Variants in ATRNL1 observed in about 807,000 individuals in gnomAD.
ATRNL1 encodes the protein attractin-like protein 1.
Under a neutral mutation model 182.7 loss-of-function variants are expected in ATRNL1, and 95 were observed. The observed-to-expected ratio is 0.52, with a 90% CI of 0.44 to 0.62. ATRNL1 has a LOEUF of 0.62. Ranked by LOEUF, ATRNL1 falls within the 20% of genes least tolerant of loss-of-function variation. The probability of loss-of-function intolerance (pLI) is 0.00; values close to 1 mark genes in which losing one functional copy is unlikely to be tolerated. For synonymous variants in ATRNL1, 576 were observed against 568.3 expected, an observed-to-expected ratio of 1.01 and a Z score of -0.19; for missense variants, 1,471 against 1,679.5, an observed-to-expected ratio of 0.88 and a Z score of 2.17.
intron 5 of ATRNL1, among the ~76,000 whole-genome samples, chr10:115,142,832 C>T (rs2143828630): frequency 6.6e-6 from 1 of 151,970 alleles, no homozygotes. Flanking sequence ...TGCTGATGGT[C>T]TAGATGTGGG....
intron 24 of ATRNL1, among the ~76,000 whole-genome samples, chr10:115,511,024 C>A (rs1233618849): frequency 1.3e-5 from 2 of 151,950 alleles, no homozygotes; most frequent in African/African-American, 4.8e-5. Flanking sequence ...TGTTTATAAA[C>A]AATATCCAAG....
intron 26 of ATRNL1, among the ~76,000 whole-genome samples, chr10:115,565,352 TA>T (rs1184916904): frequency 6.6e-6 from 1 of 151,964 alleles, no homozygotes; most frequent in Non-Finnish European, 1.5e-5. Context: ...TGTAAAATAA[TA>T]AAAAAAGGCT....
intron 8 of ATRNL1, among the ~76,000 whole-genome samples, chr10:115,208,123 T>G (rs1848872998): frequency 6.6e-6 from 1 of 152,064 alleles, no homozygotes; most frequent in Non-Finnish European, 1.5e-5. Flanking sequence ...AATGTATTTT[T>G]CATTTGAGGC....
intron 28 of ATRNL1, among the ~76,000 whole-genome samples, chr10:115,869,305 T>G (rs782431570): frequency 3.9e-5 from 6 of 152,218 alleles, no homozygotes; most frequent in Non-Finnish European, 8.8e-5. Flanking sequence ...GGAGCATGAT[T>G]AGCCAGAGCA....
chr10:115,929,489 T>A (rs1026495270), intron 28 of ATRNL1, among the ~76,000 whole-genome samples: 1 of 152,118 alleles, frequency 6.6e-6, no homozygotes, highest in Non-Finnish European at 1.5e-5. Context: ...CCAAAATGTT[T>A]TTGGCTTATC....
Position 115,822,875 on chromosome 10 carries a change from C to T in ATRNL1, c.3904-25002C>T, listed in dbSNP as rs568982083. On this transcript the variant is annotated intron_variant, in intron 27 of 28. Transcript: ENST00000355044. Reference sequence around the variant, plus strand: ...GTACAAAAAGGAGCTGGTACCATTCCTTCTGTAACTATTCCAAACAACAGA... The same window carrying T: ...GTACAAAAAGGAGCTGGTACCATTCTTTCTGTAACTATTCCAAACAACAGA... Among the ~76,000 whole-genome samples, 89 of 152,264 alleles carry T rather than the reference C, an allele frequency of 5.8e-4. 1 individual carries two copies. Among genetic ancestry groups the T allele is most frequent in the African/African-American group, 1.9e-3 (80 of 41,562 alleles).
chr10:115,322,738 A>G (rs551583250), intron 18 of ATRNL1, among the ~76,000 whole-genome samples: 9 of 151,970 alleles, frequency 5.9e-5, no homozygotes, highest in African/African-American at 2.2e-4. Context: ...TATTTCTCCA[A>G]TTTTCTAAAG....
At chr10:115,815,674 G>A (rs1204340837) in intron 27 of ATRNL1, among the ~76,000 whole-genome samples, 2 of 151,902 alleles carry the variant, frequency 1.3e-5, no homozygotes, top group South Asian at 2.1e-4. Flanking sequence ...TTTCTCCTTG[G>A]TCTTTTATCA....
rs537375698 is a variant in ATRNL1, at chr10:115,148,652, G to A, written c.830-11388G>A. Among the ~76,000 whole-genome samples the A allele has an allele frequency of 2.0e-5, 3 of 151,166 alleles. No individual in the cohort carries two copies. The East Asian group carries it at 5.9e-4, about 30-fold the overall frequency. ...CACACAATGAGTGGGTTTAAGAGCA[G>A]AAAGTTTAATAGGCAAAGTAAAGAA... On this transcript the variant is annotated intron_variant, in intron 5 of 28. Coordinates refer to ENST00000355044, the MANE Select transcript of ATRNL1 (RefSeq NM_207303.4).
chr10:115,640,411 A>G lies in ATRNL1; in HGVS notation c.3796-86837A>G, dbSNP rs1219594534. ...CCCACCAACAGTGTAAAAGCATTCC[A>G]GTTTCTCCACATCCTTGCCAGCCTC... On this transcript the variant is annotated intron_variant, in intron 26 of 28. Transcript: ENST00000355044. 2.6e-5 allele frequency among the ~76,000 whole-genome samples: 4 copies of G among 152,128 alleles called. No homozygotes were observed. In the East Asian group the frequency reaches 5.8e-4, roughly 22 times the overall value.
chr10:115,730,798 T>C (rs1555062513), intron 27 of ATRNL1, among the ~76,000 whole-genome samples: 3 of 152,080 alleles, frequency 2.0e-5, no homozygotes, highest in African/African-American at 7.2e-5. Context: ...GTTGTGTATA[T>C]GTATATATTC....
chr10:115,696,023 T>C (rs1028358845), intron 26 of ATRNL1, among the ~76,000 whole-genome samples: 1 of 151,948 alleles, frequency 6.6e-6, no homozygotes, highest in Non-Finnish European at 1.5e-5. Flanking sequence ...CTCAGCCTCC[T>C]GAGTAGCTGG....
chr10:115,095,813 C>A (rs1225825771), intron 1 of ATRNL1, among the ~76,000 whole-genome samples: 1 of 152,088 alleles, frequency 6.6e-6, no homozygotes, highest in Non-Finnish European at 1.5e-5. Flanking sequence ...GAAAAAGCCT[C>A]ATCCATTTTT....
intron 19 of ATRNL1, among the ~76,000 whole-genome samples, chr10:115,344,622 C>CTG: frequency 6.6e-6 from 1 of 152,274 alleles, no homozygotes; most frequent in South Asian, 2.1e-4. Flanking sequence ...GGTGCTCCAT[C>CTG]CACCTGTGAC....
chr10:115,373,967 G>T (rs569046053), intron 19 of ATRNL1, among the ~76,000 whole-genome samples: 2 of 151,734 alleles, frequency 1.3e-5, no homozygotes, highest in Non-Finnish European at 3.0e-5. Context: ...TAAACATTTG[G>T]CAGAATTCAG....
At chr10:115,150,820 C>T (rs868952025) in intron 5 of ATRNL1, among the ~76,000 whole-genome samples, 4 of 152,208 alleles carry the variant, frequency 2.6e-5, no homozygotes, top group South Asian at 2.1e-4. Flanking sequence ...GTGTGCTGCA[C>T]CCATTAACTC....
rs189271128 is a variant in ATRNL1 at position 115,852,855 on chromosome 10, G to A, written c.4018+4864G>A. Among the ~76,000 whole-genome samples, 6 of 152,316 alleles carry A rather than the reference G, an allele frequency of 3.9e-5. No individual in the cohort carries two copies. The South Asian group carries it at 6.2e-4, about 16-fold the overall frequency. On this transcript the variant is annotated intron_variant, in intron 28 of 28. Transcript: ENST00000355044. ...GGTAAAATGCAAATCTGTGCATGCC[G>A]TGGCGCATCTGCTCATGAAACTATG...
chr10:115,325,563 GCATCATATATAGAC>G (rs1554932931), intron 18 of ATRNL1, among the ~76,000 whole-genome samples: 1 of 152,056 alleles, frequency 6.6e-6, no homozygotes, highest in Non-Finnish European at 1.5e-5. Context: ...CTGGCTTTCT[GCATCATATATAGAC>G]CATGTCAGGC....
rs952747206 is a variant in ATRNL1, at chr10:115,492,423, A to G, written c.3654+23094A>G. On this transcript the variant is annotated intron_variant, in intron 24 of 28. Coordinates refer to ENST00000355044, the MANE Select transcript of ATRNL1 (RefSeq NM_207303.4). Reference sequence around the variant, plus strand: ...GATTTAATTAGGTCTCTCATTCTTCATATTCTTGCATCATTAATGCTTACT... The same window carrying G: ...GATTTAATTAGGTCTCTCATTCTTCGTATTCTTGCATCATTAATGCTTACT... Among the ~76,000 whole-genome samples, 6 of 151,762 alleles carry G rather than the reference A, an allele frequency of 4.0e-5. No homozygotes were observed. In the East Asian group the frequency reaches 5.8e-4, roughly 15 times the overall value.
Sources: gnomAD v4.1 joint callset for allele counts (sites outside exome capture counted in the v4.1 genomes callset) on GRCh38, gnomAD v4.1.1 for gene constraint, MANE v1.5 for transcripts, NCBI Gene and HGNC (gene_info 2026-07-23, HGNC 2026-07-21) for gene names.